Variants in MMP26 observed in about 807,000 individuals in gnomAD.
MMP26 encodes matrix metalloproteinase-26.
MMP26 carries 33 observed loss-of-function variants against 31.0 expected under a neutral mutation model. That is an observed-to-expected ratio of 1.06 (90% confidence interval 0.81 to 1.42). The LOEUF (loss-of-function observed/expected upper bound fraction) is 1.42. MMP26 is among the 40% of genes most tolerant of loss of function. MMP26 has a pLI of 0.00. For missense variants in MMP26, 347 were observed against 316.1 expected (o/e 1.10, Z -0.74); for synonymous variants, 122 against 114.9 (o/e 1.06, Z -0.40).
chr11:4,801,477 A>G (rs993621431), intron 2 of MMP26, among the ~76,000 whole-genome samples: 1 of 151,908 alleles, frequency 6.6e-6, no homozygotes, highest in African/African-American at 2.4e-5. Context: ...AATGAGAGAG[A>G]GAAGGGGGAG....
intron 2 of MMP26, among the ~76,000 whole-genome samples, chr11:4,825,295 A>G (rs768982998): frequency 6.6e-6 from 1 of 152,152 alleles, no homozygotes; most frequent in Non-Finnish European, 1.5e-5. Context: ...TTTTCCCATT[A>G]CTGTATTTCT....
At chr11:4,789,184 G>T (rs1848987719) in intron 2 of MMP26, among the ~76,000 whole-genome samples, 1 of 152,098 alleles carries the variant, frequency 6.6e-6, no homozygotes, top group Non-Finnish European at 1.5e-5. Flanking sequence ...ATGTAACTGA[G>T]GTTAGAGATT....
chr11:4,709,902 A>G (rs1392460558), intron 1 of MMP26: 4 of 456,822 alleles, frequency 8.8e-6, no homozygotes, highest in African/African-American at 2.0e-5. Context: ...CTTCACATTC[A>G]TGGAGTCCTC....
Position 4,769,243 on chromosome 11 carries a change from G to T in MMP26, c.-145+1902G>T, listed in dbSNP as rs150300273. 19 of 1,613,600 alleles carry T rather than the reference G, an allele frequency of 1.2e-5. No homozygotes were observed. In the African/African-American group the frequency reaches 2.4e-4, roughly 20 times the overall value. ...CAGGGGAGGCAATTCTGAGGACAGA[G>T]TGAATAATTAAGATATATGACAGGA... On this transcript the variant is annotated intron_variant, in intron 2 of 7. Transcript: ENST00000380390.
rs115126567 is a variant in MMP26, at chr11:4,755,176, C to T, written c.-216-12094C>T. 1.2e-3 allele frequency among the ~76,000 whole-genome samples: 187 copies of T among 151,910 alleles called. 1 individual carries two copies. The highest frequency in any genetic ancestry group is 3.9e-3 in the African/African-American group (161 of 41,492). ...ACTTGCATTTTAAAGTGATTTTAAT[C>T]GGCACTATCTGAAAGAGTCTTTCCC... is the stretch of plus-strand genomic sequence containing the variant. On this transcript the variant is annotated intron_variant, in intron 1 of 7. Coordinates refer to ENST00000380390, the MANE Select transcript of MMP26 (RefSeq NM_021801.5).
chr11:4,821,243 A>G, intron 2 of MMP26: 1 of 689,064 alleles, frequency 1.5e-6, no homozygotes, highest in East Asian at 2.6e-5. Context: ...TGAAACACTG[A>G]CAGACTTGGA....
At chr11:4,925,325 G>T (rs1297879670) in intron 2 of MMP26, among the ~76,000 whole-genome samples, 1 of 152,014 alleles carries the variant, frequency 6.6e-6, no homozygotes, top group Non-Finnish European at 1.5e-5. Context: ...CATTAGAAGA[G>T]AACATTAAAA....
intron 2 of MMP26, among the ~76,000 whole-genome samples, chr11:4,892,841 G>C (rs971257874): frequency 1.3e-5 from 2 of 152,096 alleles, no homozygotes; most frequent in Non-Finnish European, 2.9e-5. Context: ...CAACTGTTCA[G>C]ATCTGTTCCA....
chr11:4,745,014 T>C (rs937097598), intron 1 of MMP26, among the ~76,000 whole-genome samples: 7 of 152,206 alleles, frequency 4.6e-5, no homozygotes, highest in Admixed American at 2.6e-4. Context: ...GAATTTATTA[T>C]ACATAGTTTC....
Position 4,882,063 on chromosome 11 carries a change from G to A in MMP26, c.-144-106005G>A, listed in dbSNP as rs751267991. 37 of 1,613,642 alleles carry A rather than the reference G, an allele frequency of 2.3e-5. No homozygotes were observed. In the African/African-American group the frequency reaches 2.5e-4, roughly 11 times the overall value. ...ATCTTTCTTGTCATCATTACTAAGC[G>A]GAGACTCCACAAACCCATGTATTAT... is the stretch of plus-strand genomic sequence containing the variant. On this transcript the variant is annotated intron_variant, in intron 2 of 7. Transcript: ENST00000380390.
intron 1 of MMP26, chr11:4,752,344 T>G (rs181078682): frequency 6.6e-6 from 1 of 152,368 alleles, no homozygotes; most frequent in African/African-American, 2.4e-5. Context: ...AAGATAAAGA[T>G]GGAGTCCACT....
intron 1 of MMP26, among the ~76,000 whole-genome samples, chr11:4,749,934 CT>C (rs1238321292): frequency 6.6e-6 from 1 of 152,006 alleles, no homozygotes; most frequent in Non-Finnish European, 1.5e-5. Context: ...ATAAAGGGGA[CT>C]TAATTAAACT....
At chr11:4,834,632 G>A (rs1849691468) in intron 2 of MMP26, among the ~76,000 whole-genome samples, 1 of 152,140 alleles carries the variant, frequency 6.6e-6, no homozygotes, top group African/African-American at 2.4e-5. Flanking sequence ...TCCTTCCAGG[G>A]AGATCAAATG....
chr11:4,915,145 A>C, intron 2 of MMP26: 1 of 1,614,130 alleles, frequency 6.2e-7, no homozygotes, highest in Non-Finnish European at 8.5e-7. Context: ...GGGAGCCACA[A>C]TAGGGGAATC....
At chr11:4,726,132 C>T (rs1171857978) in intron 1 of MMP26, among the ~76,000 whole-genome samples, 2 of 152,190 alleles carry the variant, frequency 1.3e-5, no homozygotes, top group African/African-American at 4.8e-5. Flanking sequence ...GCCCCCCAAA[C>T]CACTAAGCTT....
intron 2 of MMP26, chr11:4,877,842 A>G (rs1442221357): frequency 6.6e-6 from 1 of 152,188 alleles, no homozygotes; most frequent in Non-Finnish European, 1.5e-5. Flanking sequence ...GCTTGATAAA[A>G]CATAAACATT....
At chr11:4,794,146 C>G (rs1031216292) in intron 2 of MMP26, 3 of 152,106 alleles carry the variant, frequency 2.0e-5, no homozygotes, top group Admixed American at 1.3e-4. Flanking sequence ...TCTGCACATA[C>G]CAGATTCAGC....
intron 2 of MMP26, chr11:4,938,431 A>T (rs1846159415): frequency 6.6e-6 from 1 of 151,558 alleles, no homozygotes; most frequent in African/African-American, 2.4e-5. Flanking sequence ...TCAAACATCT[A>T]CGTTTCTACT....
chr11:4,925,108 C>CT (rs971087959), intron 2 of MMP26, among the ~76,000 whole-genome samples: 1 of 152,178 alleles, frequency 6.6e-6, no homozygotes, highest in Admixed American at 6.5e-5. Flanking sequence ...TCATTCAACT[C>CT]TGACACCAGT....
Sources: allele counts gnomAD v4.1 joint callset (sites outside exome capture counted in the v4.1 genomes callset), GRCh38; gene constraint gnomAD v4.1.1; transcripts MANE v1.5; gene names NCBI Gene and HGNC (gene_info 2026-07-23, HGNC 2026-07-21).